The following BRWD3 variants were observed in gnomAD, a reference collection of about 807,000 sequenced individuals.
The protein encoded by BRWD3 is bromodomain and WD repeat domain containing 3.
BRWD3 carries 10 observed loss-of-function variants against 149.7 expected under a neutral mutation model. The observed-to-expected ratio is 0.07, with a 90% CI of 0.04 to 0.11. The LOEUF (loss-of-function observed/expected upper bound fraction) is 0.11, where lower values mean the gene tolerates loss of function less well. Among genes scored for constraint, BRWD3 ranks in the 10% least tolerant of loss-of-function variants. The pLI, the probability that BRWD3 is intolerant of heterozygous loss-of-function variation, is 1.00. For synonymous variants in BRWD3, 504 were observed against 456.7 expected (o/e 1.10, Z -1.32); for missense variants, 940 against 1,373.2 (o/e 0.68, Z 4.99).
chrX:80,720,392 A>G (rs1447049304), intron 17 of BRWD3, among the ~76,000 whole-genome samples: 1 of 111,315 alleles, frequency 9.0e-6, no homozygotes, highest in Non-Finnish European at 1.9e-5. Context: ...AGGCTAATGT[A>G]TGTTTGTGTC....
chrX:80,690,060 T>C lies in BRWD3; in HGVS notation c.3635A>G (p.Tyr1212Cys). 1 of 1,208,243 alleles carries C rather than the reference T, an allele frequency of 8.3e-7. No individual in the cohort carries two copies. Among genetic ancestry groups the C allele is most frequent in the Non-Finnish European group, 1.1e-6 (1 of 892,712 alleles). Reference sequence around the variant, plus strand: ...GAAAGTCCTGGCATTATGTTCAATATAGCGTACCTCCCACATTAATGCTGA... The same window carrying C: ...GAAAGTCCTGGCATTATGTTCAATACAGCGTACCTCCCACATTAATGCTGA... ...RISALMWEVR[Y>C]IEHNARTFNE... Residue 1212 changes from tyrosine (Y) to cysteine (C), a missense_variant, in exon 32 of 41, where the codon TAT becomes TGT. By Grantham distance (194) the Tyr-to-Cys change is radical (BLOSUM62 -2). This residue lies in a region of BRWD3 where 349 missense variants were observed against 419.6 expected (regional missense o/e 0.83). Coordinates refer to ENST00000373275, the MANE Select transcript of BRWD3 (RefSeq NM_153252.5).
chrX:80,744,002 G>C (rs1270784934), intron 8 of BRWD3, 30 bp downstream of exon 8: 1 of 1,134,716 alleles, frequency 8.8e-7, no homozygotes, highest in Non-Finnish European at 1.2e-6. Flanking sequence ...TTTTACATAT[G>C]TTCAAGCTAA....
intron 6 of BRWD3, among the ~76,000 whole-genome samples, chrX:80,748,286 T>A (rs980478875): frequency 8.9e-6 from 1 of 112,547 alleles, no homozygotes; most frequent in Non-Finnish European, 1.9e-5. Context: ...GTGCTGGGAT[T>A]ACAGGCATGA....
rs751798037 is a variant in BRWD3 at position 80,677,146 on chromosome X, G to A, written c.4872C>T (p.Asp1624=). ...SSESTCGSDS[D]SESTSRTDQD... is the part of the protein sequence containing the mutation. ...GATCTGTTCTGGAAGTTGATTCAGA[G>A]TCAGAGTCAGAACCACAGGTACTTT... The change falls in exon 41 of 41, where the codon GAC becomes GAT. Residue 1624 remains aspartate (D), a synonymous_variant. Coordinates refer to ENST00000373275, the MANE Select transcript of BRWD3 (RefSeq NM_153252.5). 77 of 1,210,027 alleles carry A rather than the reference G, an allele frequency of 6.4e-5. No individual in the cohort carries two copies. The highest frequency in any genetic ancestry group is 8.2e-5 in the Non-Finnish European group (73 of 895,072).
At chrX:80,719,951 T>C (rs888522387) in intron 17 of BRWD3, among the ~76,000 whole-genome samples, 4 of 111,227 alleles carry the variant, frequency 3.6e-5, no homozygotes, top group Non-Finnish European at 5.7e-5. Context: ...ACGACGGTAG[T>C]CTCATAAGAT....
At chrX:80,775,541 C>T (rs1602422163) in intron 6 of BRWD3, among the ~76,000 whole-genome samples, 2 of 111,801 alleles carry the variant, frequency 1.8e-5, no homozygotes, top group South Asian at 7.4e-4. Flanking sequence ...GGGCAAGTGA[C>T]AGCAAATATG....
chrX:80,734,083 CA>C, intron 11 of BRWD3, 34 bp downstream of exon 11: 1 of 974,907 alleles, frequency 1.0e-6, no homozygotes, highest in Non-Finnish European at 1.5e-6. Flanking sequence ...CAAGGATGTT[CA>C]AAAATAAAGC....
rs1209727081 is a variant in BRWD3 at position 80,681,344 on chromosome X, G to C, written c.4651C>G (p.Gln1551Glu). ...TTGTCCTGTATTTATTTCCTACCTTGTTTAACTGGCAAAACTCTATTCCGA... is the reference window on the plus strand; with the variant it reads ...TTGTCCTGTATTTATTTCCTACCTTCTTTAACTGGCAAAACTCTATTCCGA... ...SFRNRVLPVK[Q>E]DHSLDGPLTN... Residue 1551 changes from glutamine to glutamate, a missense_variant, in exon 40 of 41, where the codon CAA (glutamine) becomes GAA (glutamate). Physicochemically the swap from Gln to Glu is conservative, Grantham distance 29. Coordinates refer to ENST00000373275, the MANE Select transcript of BRWD3 (RefSeq NM_153252.5). The C allele has an allele frequency of 2.5e-6, 3 of 1,208,673 alleles. No individual in the cohort carries two copies. In the East Asian group the frequency reaches 8.9e-5, roughly 36 times the overall value.
At chrX:80,788,133 T>TAAATAAAG (rs2074135395) in intron 6 of BRWD3, among the ~76,000 whole-genome samples, 1 of 81,046 alleles carries the variant, frequency 1.2e-5, no homozygotes, top group African/African-American at 4.6e-5. Context: ...AATAAATAAA[T>TAAATAAAG]AAAGACACTG....
In BRWD3 at chrX:80,744,053, T is replaced by C. The variant is rs1461810638; in HGVS notation, c.792A>G (p.Ser264=). ...TTACCTGTATGGAAGTAATAGAAGC[T>C]GAATGGCCCTGAAGGACTGCAACGG... ...CAPVAVLQGH[S]ASITSIQFCP... is the part of the protein sequence containing the mutation. The change falls in exon 8 of 41, where the codon TCA becomes TCG. Residue 264 remains serine (S), a synonymous_variant. Transcript: ENST00000373275. 1.8e-5 allele frequency: 22 copies of C among 1,208,187 alleles called. No homozygotes were observed. The highest frequency in any genetic ancestry group is 3.0e-5 in the East Asian group (1 of 33,765).
At chrX:80,738,289 A>G (rs1201957105) in intron 8 of BRWD3, among the ~76,000 whole-genome samples, 1 of 111,971 alleles carries the variant, frequency 8.9e-6, no homozygotes, top group East Asian at 2.8e-4. Context: ...AAATCAGGTT[A>G]CGGATTGTTT....
In BRWD3 at chrX:80,793,743, G is replaced by A. The variant is rs761963615; in HGVS notation, c.210C>T (p.Asp70=). The change falls in exon 5 of 41, where the codon GAC becomes GAT. Residue 70 remains aspartate, a synonymous_variant. Transcript: ENST00000373275. ...TTCTCTCACAAATTTTAAGGAGGTAGTCTGGAGGAATGTGTGCATTTGCTG... is the reference window on the plus strand; with the variant it reads ...TTCTCTCACAAATTTTAAGGAGGTAATCTGGAGGAATGTGTGCATTTGCTG... ...LVAANAHIPP[D]YLLKICERIG... 11 of 1,207,179 alleles carry A rather than the reference G, an allele frequency of 9.1e-6. No homozygotes were observed. Among genetic ancestry groups the A allele is most frequent in the Non-Finnish European group, 1.2e-5 (11 of 892,789 alleles).
chrX:80,770,612 C>G (rs977099307), intron 6 of BRWD3, among the ~76,000 whole-genome samples: 6 of 111,375 alleles, frequency 5.4e-5, no homozygotes, highest in African/African-American at 2.0e-4. Flanking sequence ...CAAAACAATA[C>G]AAGCTACTTA....
intron 12 of BRWD3, among the ~76,000 whole-genome samples, chrX:80,730,604 A>G (rs1316996070): frequency 9.0e-6 from 1 of 111,041 alleles, no homozygotes. Context: ...AAATGTTCTA[A>G]AATTGACTGT....
intron 13 of BRWD3, 91 bp from the exon 14 acceptor site, chrX:80,728,996 G>A (rs984591165): frequency 2.6e-6 from 2 of 760,325 alleles, no homozygotes; most frequent in African/African-American, 4.2e-5. Flanking sequence ...TTCTCCAGGA[G>A]TATACAACTG....
At chrX:80,681,747 A>G (rs2072450874) in intron 39 of BRWD3, among the ~76,000 whole-genome samples, 1 of 111,843 alleles carries the variant, frequency 8.9e-6, no homozygotes, top group African/African-American at 3.2e-5. Context: ...CTGAGATATT[A>G]TAGGCATCAT....
chrX:80,791,586 C>T (rs1283824826), intron 6 of BRWD3, among the ~76,000 whole-genome samples: 1 of 111,240 alleles, frequency 9.0e-6, no homozygotes, highest in Non-Finnish European at 1.9e-5. Context: ...TGGCTAAAAA[C>T]GTCTATACTA....
Position 80,670,320 on chromosome X carries a change from C to A in BRWD3, c.*6289G>T. Among the ~76,000 whole-genome samples the A allele has an allele frequency of 9.0e-6, 1 of 111,499 alleles. No individual in the cohort carries two copies. Among genetic ancestry groups the A allele is most frequent in the Middle Eastern group, 4.7e-3 (1 of 215 alleles). ...CCACCAAAAATCTCATTCAAAAGAT[C>A]AACTCACAGGCTCAATATATTGGTT... On this transcript the variant is annotated 3_prime_UTR_variant, in exon 41 of 41. Transcript: ENST00000373275.
chrX:80,688,139 G>A lies in BRWD3; in HGVS notation c.3808-14C>T. 1 of 1,162,085 alleles carries A rather than the reference G, an allele frequency of 8.6e-7. No homozygotes were observed. Among genetic ancestry groups the A allele is most frequent in the Non-Finnish European group, 1.2e-6 (1 of 850,876 alleles). On this transcript the variant is annotated splice_polypyrimidine_tract_variant and intron_variant, in intron 33 of 40. Coordinates refer to ENST00000373275, the MANE Select transcript of BRWD3 (RefSeq NM_153252.5). The stretch of plus-strand genomic sequence containing the variant: ...AATTTCTGTATCCTTAATTAAAAAG[G>A]AAGAGTGGGAAAAGACGTTAAGTTA...
Sources: gnomAD v4.1 joint callset for allele counts (sites outside exome capture counted in the v4.1 genomes callset) on GRCh38, gnomAD v4.1.1 for gene constraint, gnomAD v4.1.1 regional missense constraint, MANE v1.5 for transcripts, NCBI Gene and HGNC (gene_info 2026-07-23, HGNC 2026-07-21) for gene names.